Variants in ERCC3 observed in about 807,000 individuals in gnomAD.
The protein encoded by ERCC3 is ERCC excision repair 3, TFIIH core complex helicase subunit.
A neutral mutation model predicts 94.2 loss-of-function variants in ERCC3; 66 were observed. The observed-to-expected ratio is 0.70, with a 90% confidence interval of 0.57 to 0.86. The LOEUF is 0.86. Ranked by LOEUF, ERCC3 falls within the 40% of genes least tolerant of loss-of-function variation. The probability of loss-of-function intolerance (pLI) is 0.00; values close to 1 mark genes in which losing one functional copy is unlikely to be tolerated. For missense variants in ERCC3, 829 were observed against 987.1 expected (o/e 0.84, Z 2.15); for synonymous variants, 349 against 369.1 (o/e 0.95, Z 0.63).
Position 127,289,809 on chromosome 2 carries a change from A to G in ERCC3, c.537T>C (p.Ser179=). The G allele has an allele frequency of 1.9e-6, 3 of 1,614,102 alleles. No homozygotes were observed. The highest frequency in any genetic ancestry group is 2.5e-6 in the Non-Finnish European group (3 of 1,180,016). ...GATGCTGGATTACATCAGGGTGGCA[A>G]CTTTCAACGAAGTATCTGCAAGCAG... The part of the protein sequence containing the change: ...VLKHNRYFVE[S]CHPDVIQHLL... The change falls in exon 5 of 15, where the codon AGT becomes AGC. Residue 179 remains serine (S), a synonymous_variant. Coordinates refer to ENST00000285398, the MANE Select transcript of ERCC3 (RefSeq NM_000122.2).
In ERCC3 at chr2:127,292,730, T is replaced by A. The variant is rs762430357; in HGVS notation, c.351A>T (p.Lys117Asn). 49 of 1,613,976 alleles carry A rather than the reference T, an allele frequency of 3.0e-5. No homozygotes were observed. The highest frequency in any genetic ancestry group is 4.0e-5 in the Non-Finnish European group (47 of 1,180,032). The part of the protein sequence containing the change: ...VCRPTHVHEY[K>N]LTAYSLYAAV... ...CTGCATACAAGGAGTAGGCAGTTAG[T>A]TTGTACTCATGCACATGGGTTGGTC... Residue 117 changes from lysine (K) to asparagine (N), a missense_variant, in exon 3 of 15, where the codon AAA (lysine) becomes AAT (asparagine). Physicochemically the swap from Lys to Asn is moderately conservative, Grantham distance 94. Transcript: ENST00000285398.
At chr2:127,261,109 G>A (rs1308336385) in intron 13 of ERCC3, 119 bp downstream of exon 13, 1 of 753,418 alleles carries the variant, frequency 1.3e-6, no homozygotes, top group Admixed American at 1.9e-5. Context: ...TTGAGGCAAG[G>A]CCTCTAATCT....
Position 127,261,244 on chromosome 2 carries a change from T to G in ERCC3, c.2048A>C (p.Gln683Pro). 6.2e-7 allele frequency: 1 copy of G among 1,606,828 alleles called. No homozygotes were observed. The highest frequency in any genetic ancestry group is 8.5e-7 in the Non-Finnish European group (1 of 1,173,312). The part of the protein sequence containing the change: ...STKRQRFLVD[Q>P]GYSFKVITKL... Reference sequence around the variant, plus strand: ...GATATGTACCTTGAAGCTATAACCTTGATCTACCAAGAATCTCTGCCGCTT... The same window carrying G: ...GATATGTACCTTGAAGCTATAACCTGGATCTACCAAGAATCTCTGCCGCTT... The change falls in exon 13 of 15, where the codon CAA becomes CCA. Residue 683 changes from glutamine to proline, a missense_variant. Gln to Pro is a moderately conservative substitution (Grantham distance 76, BLOSUM62 -1). Coordinates refer to ENST00000285398, the MANE Select transcript of ERCC3 (RefSeq NM_000122.2).
chr2:127,269,261 C>G (rs1253693038), intron 12 of ERCC3, among the ~76,000 whole-genome samples: 1 of 152,122 alleles, frequency 6.6e-6, no homozygotes, highest in Non-Finnish European at 1.5e-5. Flanking sequence ...TCAGGAAAAT[C>G]TGAACATCTT....
intron 2 of ERCC3, among the ~76,000 whole-genome samples, chr2:127,293,217 C>A (rs1172073983): frequency 6.6e-6 from 1 of 152,198 alleles, no homozygotes; most frequent in Non-Finnish European, 1.5e-5. Flanking sequence ...CAAACTGTTA[C>A]ATGATAAATG....
At chr2:127,278,500 T>C (rs1684805076) in intron 10 of ERCC3, among the ~76,000 whole-genome samples, 1 of 152,234 alleles carries the variant, frequency 6.6e-6, no homozygotes, top group South Asian at 2.1e-4. Flanking sequence ...CAACATTTTA[T>C]ATGGCTGAAG....
At position 127,259,027 on chromosome 2, in the gene ERCC3, G is replaced by A. The variant is rs1049773055; in HGVS notation, c.2217+269C>T. Reference sequence around the variant, plus strand: ...CTGGGGTCACCTGCTTGCCATCCTGGGCTTCAACATCAAGATTTAACAAAT... The same window carrying A: ...CTGGGGTCACCTGCTTGCCATCCTGAGCTTCAACATCAAGATTTAACAAAT... On this transcript the variant is annotated intron_variant, in intron 14 of 14. Coordinates refer to ENST00000285398, the MANE Select transcript of ERCC3 (RefSeq NM_000122.2). The surrounding 1 kb of genome is among the most constrained non-coding windows in gnomAD (Gnocchi z 4.9). Among the ~76,000 whole-genome samples, 4 of 152,034 alleles carry A rather than the reference G, an allele frequency of 2.6e-5. No homozygotes were observed. The highest frequency in any genetic ancestry group is 9.7e-5 in the African/African-American group (4 of 41,372).
chr2:127,269,778 C>A lies in ERCC3; in HGVS notation c.1945+1558G>T, dbSNP rs572797894. On this transcript the variant is annotated intron_variant, in intron 12 of 14. Coordinates refer to ENST00000285398, the MANE Select transcript of ERCC3 (RefSeq NM_000122.2). ...AGGCACAGTGGCTCACACCTGTAAT[C>A]CCAGCACTTTGGGAGGCCAAGGTGG... Among the ~76,000 whole-genome samples the A allele has an allele frequency of 5.7e-4, 87 of 151,326 alleles. 1 individual carries two copies. Among genetic ancestry groups the A allele is most frequent in the Admixed American group, 1.4e-3 (22 of 15,224 alleles).
intron 8 of ERCC3, among the ~76,000 whole-genome samples, chr2:127,285,031 A>C (rs1310358370): frequency 6.6e-6 from 1 of 152,210 alleles, no homozygotes; most frequent in Non-Finnish European, 1.5e-5. Flanking sequence ...TTTATCAAAA[A>C]AGATTCGCCC....
Position 127,280,835 on chromosome 2 carries a change from C to A in ERCC3, c.1343-204G>T. Reference sequence around the variant, plus strand: ...ACCCACTGCACCCAGCCTACACTGTCACTTTTTCAAATGCTCATAGCTGTG... The same window carrying A: ...ACCCACTGCACCCAGCCTACACTGTAACTTTTTCAAATGCTCATAGCTGTG... On this transcript the variant is annotated intron_variant, in intron 8 of 14. Transcript: ENST00000285398. The surrounding 1 kb of genome is among the most constrained non-coding windows in gnomAD (Gnocchi z 6.3). 1.7e-6 allele frequency: 1 copy of A among 595,142 alleles called. No individual in the cohort carries two copies. The highest frequency in any genetic ancestry group is 2.3e-5 in the South Asian group (1 of 42,850). 36.9% of individuals were successfully genotyped at this position (595,142 alleles called of 1,614,324 possible). A position where few individuals can be genotyped will look rare whatever the true frequency, so the allele number is the denominator to read the frequency against.
intron 2 of ERCC3, 60 bp downstream of exon 2, chr2:127,293,453 C>G: frequency 6.6e-7 from 1 of 1,504,988 alleles, no homozygotes; most frequent in Non-Finnish European, 9.2e-7. Flanking sequence ...TGAGGATGCC[C>G]AAGATTTAGC....
chr2:127,271,542 T>G lies in ERCC3; in HGVS notation c.1828-89A>C. The G allele has an allele frequency of 1.1e-6, 1 of 918,740 alleles. No individual in the cohort carries two copies. The highest frequency in any genetic ancestry group is 1.8e-6 in the Non-Finnish European group (1 of 553,094). The allele number at this position is 918,740 out of a possible 1,614,324, so 56.9% of individuals were successfully genotyped here. A position where few individuals can be genotyped will look rare whatever the true frequency, so the allele number is the denominator to read the frequency against. On this transcript the variant is annotated intron_variant, in intron 11 of 14. Transcript: ENST00000285398. The surrounding 1 kb of genome is among the most constrained non-coding windows in gnomAD (Gnocchi z 5.0). ...TTTAAATAAGTTCTGTAGATAATTTTGAAACATAATCACTCTTTTCTCCTC... is the reference window on the plus strand; with the variant it reads ...TTTAAATAAGTTCTGTAGATAATTTGGAAACATAATCACTCTTTTCTCCTC...
chr2:127,280,146 A>G lies in ERCC3; in HGVS notation c.1527+301T>C, dbSNP rs1318386254. ...CAGCACTGTGGTATCAGGGGCCTTC[A>G]TTCATCCCTGTGCCCTGAATGCTAA... On this transcript the variant is annotated intron_variant, in intron 9 of 14. Transcript: ENST00000285398. This position sits in a 1 kb window ranked among gnomAD's most constrained non-coding sequence, Gnocchi z 6.3. Among the ~76,000 whole-genome samples the G allele has an allele frequency of 1.3e-5, 2 of 152,184 alleles. No individual in the cohort carries two copies.
rs58195524 is a variant in ERCC3 at position 127,274,316 on chromosome 2, GAA to G, written c.1731-1357_1731-1356del. On this transcript the variant is annotated intron_variant, in intron 10 of 14. Transcript: ENST00000285398. This position sits in a 1 kb window ranked among gnomAD's most constrained non-coding sequence, Gnocchi z 4.0. ...GGCAACAGAGTGAGACTCCGTCTCAGAAAAAAAAAAAAAAGAAAAAGAAAAGA... is the reference window on the plus strand; with the variant it reads ...GGCAACAGAGTGAGACTCCGTCTCAGAAAAAAAAAAAAGAAAAAGAAAAGA... 4.1e-3 allele frequency among the ~76,000 whole-genome samples: 470 copies of G among 113,692 alleles called. 4 individuals are homozygous for G. Among genetic ancestry groups the G allele is most frequent in the African/African-American group, 0.014 (430 of 31,052 alleles). 74.6% of individuals were successfully genotyped at this position (113,692 alleles called of 152,430 possible).
rs375556869 is a variant in ERCC3 at position 127,271,352 on chromosome 2, C to G, written c.1929G>C (p.Val643=). ...CCACTTTACCTTTTTTAGCTCGAAGCACCCGCCCTAGCCTTTGGGCTTCCT... is the reference window on the plus strand; with the variant it reads ...CCACTTTACCTTTTTTAGCTCGAAGGACCCGCCCTAGCCTTTGGGCTTCCT... The part of the protein sequence containing the change: ...RRQEAQRLGR[V]LRAKKGMVAE... The change falls in exon 12 of 15, where the codon GTG becomes GTC. Residue 643 remains valine, a synonymous_variant. Transcript: ENST00000285398. This position sits in a 1 kb window ranked among gnomAD's most constrained non-coding sequence, Gnocchi z 5.0. 6.2e-7 allele frequency: 1 copy of G among 1,613,488 alleles called. No homozygotes were observed. Among genetic ancestry groups the G allele is most frequent in the Non-Finnish European group, 8.5e-7 (1 of 1,179,390 alleles).
chr2:127,293,574 G>A lies in ERCC3; in HGVS notation c.173C>T (p.Ala58Val), dbSNP rs577213973. 6.2e-7 allele frequency: 1 copy of A among 1,614,194 alleles called. No homozygotes were observed. The highest frequency in any genetic ancestry group is 1.1e-5 in the South Asian group (1 of 91,082). Residue 58 changes from alanine to valine, a missense_variant, in exon 2 of 15, where the codon GCC becomes GTC. Coordinates refer to ENST00000285398, the MANE Select transcript of ERCC3 (RefSeq NM_000122.2). ...CGGCATTTGCAGCCTGTAGTCCTTG[G>A]CTCCATATTCATCCACTTTGGTGCC... ...ESGTKVDEYG[A>V]KDYRLQMPLK...
intron 12 of ERCC3, among the ~76,000 whole-genome samples, chr2:127,265,124 GGT>G (rs1684315271): frequency 6.6e-6 from 1 of 152,030 alleles, no homozygotes; most frequent in African/African-American, 2.4e-5. Flanking sequence ...TGGGATTAGA[GGT>G]GTGAGCCACC....
At position 127,271,792 on chromosome 2, in the gene ERCC3, T is replaced by C. The variant is rs1197055205; in HGVS notation, c.1828-339A>G. Among the ~76,000 whole-genome samples, 1 of 152,024 alleles carries C rather than the reference T, an allele frequency of 6.6e-6. No homozygotes were observed. Among genetic ancestry groups the C allele is most frequent in the African/African-American group, 2.4e-5 (1 of 41,380 alleles). On this transcript the variant is annotated intron_variant, in intron 11 of 14. Coordinates refer to ENST00000285398, the MANE Select transcript of ERCC3 (RefSeq NM_000122.2). The surrounding 1 kb of genome is among the most constrained non-coding windows in gnomAD (Gnocchi z 5.0). ...TCATTCATTTTTTTGGCTACAGAAA[T>C]ATGTCTCCACAAAACCATCCATACT...
At chr2:127,260,026 A>G (rs987589196) in intron 13 of ERCC3, 1 of 165,496 alleles carries the variant, frequency 6.0e-6, no homozygotes, top group Non-Finnish European at 1.3e-5. Flanking sequence ...CTATCCCTGC[A>G]GAAAACTTGG....
Sources: gnomAD v4.1 joint callset for allele counts (sites outside exome capture counted in the v4.1 genomes callset) on GRCh38, gnomAD v4.1.1 for gene constraint, Gnocchi (gnomAD v3.1) non-coding constraint, MANE v1.5 for transcripts, NCBI Gene and HGNC (gene_info 2026-07-23, HGNC 2026-07-21) for gene names.